The following SLC6A2 variants were observed in gnomAD, a reference collection of about 807,000 sequenced individuals.
SLC6A2 encodes the protein sodium-dependent noradrenaline transporter.
Under a neutral mutation model 71.7 loss-of-function variants are expected in SLC6A2, and 26 were observed. That is an observed-to-expected ratio of 0.36 (90% CI 0.27 to 0.50). SLC6A2 has a LOEUF of 0.50. Ranked by LOEUF, SLC6A2 falls within the 20% of genes least tolerant of loss-of-function variation. The pLI is 0.96. For synonymous variants in SLC6A2, 363 were observed against 337.9 expected, an observed-to-expected ratio of 1.07 and a Z score of -0.82; for missense variants, 581 against 803.9, an observed-to-expected ratio of 0.72 and a Z score of 3.35.
At chr16:55,695,480 T>C in intron 8 of SLC6A2, 78 bp downstream of exon 8, 2 of 1,514,540 alleles carry the variant, frequency 1.3e-6, no homozygotes, top group Non-Finnish European at 1.8e-6. Flanking sequence ...GCTGCATGGC[T>C]CTTCCGTGGC....
intron 4 of SLC6A2, among the ~76,000 whole-genome samples, chr16:55,675,439 G>A (rs1965055615): frequency 6.6e-6 from 1 of 152,186 alleles, no homozygotes; most frequent in Non-Finnish European, 1.5e-5. Flanking sequence ...ATATGTTCCT[G>A]TTGCATGTTC....
chr16:55,702,654 GA>G lies in SLC6A2; in HGVS notation c.*311del. Reference sequence around the variant, plus strand: ...TGCTGAAGCTAGGTTCATGAGGTCGGAAATCCCCACCACATTTGCCTAGACT... The same window carrying G: ...TGCTGAAGCTAGGTTCATGAGGTCGGAATCCCCACCACATTTGCCTAGACT... On this transcript the variant is annotated 3_prime_UTR_variant, in exon 15 of 15. Transcript: ENST00000568943. 1 of 1,302,994 alleles carries G rather than the reference GA, an allele frequency of 7.7e-7. No homozygotes were observed. Among genetic ancestry groups the G allele is most frequent in the Non-Finnish European group, 9.8e-7 (1 of 1,020,802 alleles). 80.7% of individuals were successfully genotyped at this position (1,302,994 alleles called of 1,614,324 possible). A position where few individuals can be genotyped will look rare whatever the true frequency, so the allele number is the denominator to read the frequency against.
At chr16:55,680,267 A>C (rs1965227483) in intron 4 of SLC6A2, among the ~76,000 whole-genome samples, 1 of 152,142 alleles carries the variant, frequency 6.6e-6, no homozygotes, top group Non-Finnish European at 1.5e-5. Flanking sequence ...AGTCATTTAC[A>C]ATAGCTCTGG....
At chr16:55,687,384 A>G (rs1596995388) in intron 5 of SLC6A2, among the ~76,000 whole-genome samples, 2 of 152,332 alleles carry the variant, frequency 1.3e-5, no homozygotes, top group Admixed American at 6.5e-5. Context: ...GCATTAGTGG[A>G]GAAAGGAAGC....
In SLC6A2 at chr16:55,699,660, T is replaced by TC. The variant is rs773988656; in HGVS notation, c.1590+6_1590+7insC. On this transcript the variant is annotated splice_region_variant and intron_variant, in intron 12 of 14. Transcript: ENST00000568943. The stretch of plus-strand genomic sequence containing the variant: ...TCAGTCCTGCCTTCCTCCTGGTGTG[T>TC]AGTGTCTGCAGGGAAGTCCTGCATG... The TC allele has an allele frequency of 1.2e-6, 2 of 1,601,404 alleles. No homozygotes were observed.
chr16:55,696,194 C>A, intron 8 of SLC6A2, 31 bp from the exon 9 acceptor site: 1 of 1,318,930 alleles, frequency 7.6e-7, no homozygotes, highest in Non-Finnish European at 1.1e-6. Context: ...ATGGTTTCAG[C>A]CATTGATGAG....
intron 11 of SLC6A2, 37 bp from the exon 12 acceptor site, chr16:55,699,517 G>C: frequency 1.3e-6 from 2 of 1,536,940 alleles, no homozygotes; most frequent in Non-Finnish European, 1.8e-6. Context: ...GGCTATCATG[G>C]GGGCCATGGT....
rs569629600 is a variant in SLC6A2, at chr16:55,672,025, C to T, written c.494C>T (p.Ser165Phe). 1.2e-4 allele frequency: 200 copies of T among 1,614,192 alleles called. No homozygotes were observed. The South Asian group carries it at 2.0e-3, about 16-fold the overall frequency. The change falls in exon 4 of 15, where the codon TCC (serine) becomes TTC (phenylalanine). Residue 165 changes from serine (S) to phenylalanine (F), a missense_variant. This residue lies in a region of SLC6A2 where 81 missense variants were observed against 152.4 expected (regional missense o/e 0.53). Coordinates refer to ENST00000568943, the MANE Select transcript of SLC6A2 (RefSeq NM_001172501.3). ...IIAWSLYYLF[S>F]SFTLNLPWTD... ...GCCTGGTCACTCTACTACCTCTTCT[C>T]CTCCTTCACCCTCAACCTGCCCTGG...
chr16:55,658,260 C>T (rs1229749848), intron 2 of SLC6A2, among the ~76,000 whole-genome samples: 1 of 152,110 alleles, frequency 6.6e-6, no homozygotes, highest in Non-Finnish European at 1.5e-5. Flanking sequence ...GCCTATAATC[C>T]TAGCACTTTG....
intron 2 of SLC6A2, among the ~76,000 whole-genome samples, chr16:55,657,418 A>G (rs906464086): frequency 6.6e-6 from 1 of 152,056 alleles, no homozygotes; most frequent in Non-Finnish European, 1.5e-5. Context: ...GCCCACAGTG[A>G]CCCTAAATCT....
At chr16:55,685,584 G>T (rs1567447025) in intron 5 of SLC6A2, among the ~76,000 whole-genome samples, 1 of 152,176 alleles carries the variant, frequency 6.6e-6, no homozygotes, top group Non-Finnish European at 1.5e-5. Flanking sequence ...ACTGCCAAGG[G>T]CCTCACGACA....
At chr16:55,657,650 T>C (rs955843805) in intron 2 of SLC6A2, among the ~76,000 whole-genome samples, 2 of 151,990 alleles carry the variant, frequency 1.3e-5, no homozygotes, top group Admixed American at 1.3e-4. Context: ...GCCCAGATGA[T>C]TGGGGTGAAA....
At chr16:55,700,343 G>C in intron 13 of SLC6A2, 37 bp downstream of exon 13, 1 of 1,562,534 alleles carries the variant, frequency 6.4e-7, no homozygotes, top group South Asian at 1.1e-5. Context: ...CAGGGTGGGA[G>C]GGGGCTGAGG....
chr16:55,700,882 C>T (rs561702172), intron 13 of SLC6A2, among the ~76,000 whole-genome samples: 4 of 152,230 alleles, frequency 2.6e-5, no homozygotes, highest in Non-Finnish European at 4.4e-5. Flanking sequence ...TACACACACA[C>T]ACACATTTAT....
intron 2 of SLC6A2, among the ~76,000 whole-genome samples, chr16:55,668,201 G>A (rs1462141914): frequency 1.3e-5 from 2 of 152,172 alleles, no homozygotes; most frequent in Admixed American, 6.5e-5. Flanking sequence ...GAAACAAGTG[G>A]AGACTGATAG....
intron 4 of SLC6A2, among the ~76,000 whole-genome samples, chr16:55,683,012 C>A (rs1337508986): frequency 3.3e-5 from 5 of 152,184 alleles, no homozygotes; most frequent in Admixed American, 6.5e-5. Flanking sequence ...GGCTCACAGC[C>A]GGCCTTCAGT....
At chr16:55,695,500 A>G in intron 8 of SLC6A2, 98 bp downstream of exon 8, 2 of 1,409,280 alleles carry the variant, frequency 1.4e-6, no homozygotes, top group Non-Finnish European at 2.0e-6. Context: ...CTGTAGGAAT[A>G]CTGGGTTGTC....
Position 55,700,302 on chromosome 16 carries a change from G to T in SLC6A2, c.1754G>T (p.Trp585Leu). 1.9e-6 allele frequency: 3 copies of T among 1,613,048 alleles called. No individual in the cohort carries two copies. Among genetic ancestry groups the T allele is most frequent in the Non-Finnish European group, 2.5e-6 (3 of 1,179,240 alleles). ...YKFLSTQGSL[W>L]ERLAYGITPE... ...TTCCTCAGCACGCAGGGCTCTCTTTGGGAGGTGAGCTCTGGTCCTCCCCAG... is the reference window on the plus strand; with the variant it reads ...TTCCTCAGCACGCAGGGCTCTCTTTTGGAGGTGAGCTCTGGTCCTCCCCAG... The change falls in exon 13 of 15, where the codon TGG becomes TTG. Residue 585 changes from tryptophan to leucine, a missense_variant. Physicochemically the swap from Trp to Leu is moderately conservative, Grantham distance 61. Coordinates refer to ENST00000568943, the MANE Select transcript of SLC6A2 (RefSeq NM_001172501.3).
At chr16:55,669,766 C>T (rs1458150871) in intron 3 of SLC6A2, 70 bp downstream of exon 3, 22 of 1,555,204 alleles carry the variant, frequency 1.4e-5, no homozygotes, top group Non-Finnish European at 1.9e-5. Context: ...GGAATCTGCT[C>T]CAGTGGTGAG....
Sources: allele counts gnomAD v4.1 joint callset (sites outside exome capture counted in the v4.1 genomes callset), GRCh38; gene constraint gnomAD v4.1.1; regional missense constraint gnomAD v4.1.1; transcripts MANE v1.5; gene names NCBI Gene and HGNC (gene_info 2026-07-23, HGNC 2026-07-21).